The following DMD variants were observed in gnomAD, a reference collection of about 807,000 sequenced individuals.
DMD encodes the protein mutant dystrophin.
DMD carries 63 observed loss-of-function variants against 330.1 expected under a neutral mutation model. The observed-to-expected ratio is 0.19, with a 90% CI of 0.16 to 0.24. The LOEUF is 0.24. DMD is among the 10% of genes least tolerant of loss of function. DMD has a pLI of 1.00. For synonymous variants in DMD, 1,223 were observed against 959.8 expected (o/e 1.27, Z -5.07); for missense variants, 3,344 against 2,684.1 (o/e 1.25, Z -5.43).
chrX:32,798,051 T>C (rs905581012), intron 7 of DMD, among the ~76,000 whole-genome samples: 1 of 111,780 alleles, frequency 8.9e-6, no homozygotes, highest in East Asian at 2.8e-4. Flanking sequence ...AAATTATAAA[T>C]TGACCATTTT....
chrX:31,304,809 G>A (rs1410090975), intron 62 of DMD, among the ~76,000 whole-genome samples: 3 of 110,630 alleles, frequency 2.7e-5, no homozygotes, highest in Non-Finnish European at 3.8e-5. Flanking sequence ...CTCTAAGAAG[G>A]ATGTATATAT....
chrX:31,280,834 A>C (rs1450888164), intron 62 of DMD, among the ~76,000 whole-genome samples: 1 of 111,907 alleles, frequency 8.9e-6, no homozygotes, highest in African/African-American at 3.2e-5. Flanking sequence ...CCTCTCATCC[A>C]ATACAGAAAT....
At position 31,933,959 on chromosome X, in the gene DMD, ATT is replaced by A. The variant is rs5901998; in HGVS notation, c.6615-1734_6615-1733del. On this transcript the variant is annotated intron_variant, in intron 45 of 78. Coordinates refer to ENST00000357033, the MANE Select transcript of DMD (RefSeq NM_004006.3). ...AATTCAGTTTTTTGAATGATTAGCT[ATT>A]TTTTTTTTTTTGCTTCAAATTAACA... 4.9e-3 allele frequency among the ~76,000 whole-genome samples: 489 copies of A among 100,131 alleles called. 3 individuals carry two copies. Among genetic ancestry groups the A allele is most frequent in the African/African-American group, 0.016 (438 of 27,681 alleles). The allele number at this position is 100,131 out of a possible 115,157, so 87.0% of individuals were successfully genotyped here.
At chrX:32,089,267 A>G (rs992986627) in intron 44 of DMD, among the ~76,000 whole-genome samples, 10 of 111,583 alleles carry the variant, frequency 9.0e-5, no homozygotes, top group Non-Finnish European at 1.7e-4. Context: ...TATTGTACTG[A>G]AAATAAGATA....
chrX:32,270,309 G>T (rs771587146), intron 43 of DMD, among the ~76,000 whole-genome samples: 6 of 112,241 alleles, frequency 5.3e-5, no homozygotes, highest in Admixed American at 1.9e-4. Context: ...TAAAATAAAA[G>T]TACCCCAACA....
At chrX:33,228,278 A>AGTGTGT (rs60369848) in intron 1 of DMD, among the ~76,000 whole-genome samples, 1,300 of 93,449 alleles carry the variant, frequency 0.014, 34 homozygotes, top group African/African-American at 0.046. Context: ...CCCAAGTTTA[A>AGTGTGT]GTGTGTGTGT....
chrX:32,415,811 C>T (rs944509989), intron 29 of DMD, among the ~76,000 whole-genome samples: 1 of 111,705 alleles, frequency 9.0e-6, no homozygotes, highest in Non-Finnish European at 1.9e-5. Flanking sequence ...CCAAGAAAAA[C>T]ACATAATATA....
At chrX:32,375,672 G>GAT (rs1381857648) in intron 34 of DMD, among the ~76,000 whole-genome samples, 1 of 111,404 alleles carries the variant, frequency 9.0e-6, no homozygotes, top group African/African-American at 3.3e-5. Flanking sequence ...CACAGAGATA[G>GAT]CTCTTGTTCT....
intron 53 of DMD, among the ~76,000 whole-genome samples, chrX:31,669,712 G>T (rs2081634962): frequency 9.1e-6 from 1 of 110,443 alleles, no homozygotes; most frequent in Non-Finnish European, 1.9e-5. Context: ...CTTAATAATT[G>T]TAGCTTTGTA....
intron 7 of DMD, among the ~76,000 whole-genome samples, chrX:32,714,898 TAATG>T (rs1200769040): frequency 9.0e-6 from 1 of 111,729 alleles, no homozygotes; most frequent in African/African-American, 3.3e-5. Context: ...AATGAAACCA[TAATG>T]AAAGAAATTA....
At chrX:32,943,543 A>G (rs1226313362) in intron 2 of DMD, among the ~76,000 whole-genome samples, 2 of 111,266 alleles carry the variant, frequency 1.8e-5, no homozygotes, top group Non-Finnish European at 3.8e-5. Context: ...CTTTAGAGAT[A>G]TATCATTTTT....
chrX:32,146,820 C>T (rs1441868951), intron 44 of DMD, among the ~76,000 whole-genome samples: 1 of 111,818 alleles, frequency 8.9e-6, no homozygotes, highest in African/African-American at 3.3e-5. Context: ...ACACTTACTG[C>T]TCTCCCCATT....
At chrX:32,970,874 C>A (rs1343219867) in intron 2 of DMD, among the ~76,000 whole-genome samples, 1 of 94,713 alleles carries the variant, frequency 1.1e-5, no homozygotes, top group Non-Finnish European at 2.0e-5. Flanking sequence ...ATTTTGGTTA[C>A]ATCTAACCTC....
intron 44 of DMD, among the ~76,000 whole-genome samples, chrX:32,122,396 G>C (rs983350757): frequency 1.8e-5 from 2 of 111,664 alleles, no homozygotes; most frequent in South Asian, 7.6e-4. Flanking sequence ...GCCTAGAGTT[G>C]CTTCTAAGAC....
intron 1 of DMD, among the ~76,000 whole-genome samples, chrX:33,044,408 G>A (rs763602673): frequency 1.2e-4 from 13 of 111,775 alleles, no homozygotes; most frequent in African/African-American, 4.2e-4. Flanking sequence ...CTCCAGCCTG[G>A]GTGACAGAGC....
intron 7 of DMD, among the ~76,000 whole-genome samples, chrX:32,796,932 C>G (rs1337019400): frequency 9.0e-6 from 1 of 111,677 alleles, no homozygotes; most frequent in Non-Finnish European, 1.9e-5. Flanking sequence ...TTATTTTACC[C>G]AAATATTGTT....
chrX:31,875,042 A>C lies in DMD; in HGVS notation c.7098+146T>G, dbSNP rs752718704. 14 of 531,868 alleles carry C rather than the reference A, an allele frequency of 2.6e-5. No homozygotes were observed. The Admixed American group carries it at 4.8e-4, about 18-fold the overall frequency. 43.8% of individuals were successfully genotyped at this position (531,868 alleles called of 1,213,427 possible). On this transcript the variant is annotated intron_variant, in intron 48 of 78. Coordinates refer to ENST00000357033, the MANE Select transcript of DMD (RefSeq NM_004006.3). Reference sequence around the variant, plus strand: ...CTCCATTGCAGTGGTCCCTGTGCCTATTGTGGTTATCCTGAATAAAGTCTT... The same window carrying C: ...CTCCATTGCAGTGGTCCCTGTGCCTCTTGTGGTTATCCTGAATAAAGTCTT...
At chrX:32,474,436 A>C (rs1240430612) in intron 21 of DMD, among the ~76,000 whole-genome samples, 1 of 111,825 alleles carries the variant, frequency 8.9e-6, no homozygotes, top group Non-Finnish European at 1.9e-5. Flanking sequence ...AGGAATCTCC[A>C]CACTCTTTTC....
chrX:31,308,967 GATTT>G (rs1273792344), intron 62 of DMD, among the ~76,000 whole-genome samples: 1 of 111,147 alleles, frequency 9.0e-6, no homozygotes, highest in Non-Finnish European at 1.9e-5. Context: ...GACCTCAGGT[GATTT>G]GCCCACCTCA....
Sources: allele counts gnomAD v4.1 joint callset (sites outside exome capture counted in the v4.1 genomes callset), GRCh38; gene constraint gnomAD v4.1.1; transcripts MANE v1.5; gene names NCBI Gene and HGNC (gene_info 2026-07-23, HGNC 2026-07-21).